The following MBNL2 variants were observed in gnomAD, a reference collection of about 807,000 sequenced individuals.
MBNL2 encodes the protein muscleblind like splicing regulator 2.
MBNL2 carries 17 observed loss-of-function variants against 41.9 expected under a neutral mutation model. The observed-to-expected ratio is 0.41, with a 90% CI of 0.28 to 0.61. The LOEUF is 0.61. Ranked by LOEUF, MBNL2 falls within the 20% of genes least tolerant of loss-of-function variation. The pLI, the probability that MBNL2 is intolerant of heterozygous loss-of-function variation, is 0.35. For synonymous variants in MBNL2, 195 were observed against 182.9 expected (o/e 1.07, Z -0.53); for missense variants, 336 against 505.6 (o/e 0.66, Z 3.22).
In MBNL2 at chr13:97,306,114, C is replaced by G. The variant is rs147950674; in HGVS notation, c.175-28162C>G. Among the ~76,000 whole-genome samples, 283 of 152,298 alleles carry G rather than the reference C, an allele frequency of 1.9e-3. 3 individuals carry two copies. Among genetic ancestry groups the G allele is most frequent in the African/African-American group, 6.4e-3 (264 of 41,568 alleles). On this transcript the variant is annotated intron_variant, in intron 2 of 8. Transcript: ENST00000679496. ...AAAGGTGGAGAAATGAAAACATTTT[C>G]TATGACATTAAAAATCACTTCCTCT...
chr13:97,214,379 A>G, the MBNL2 span, among the ~76,000 whole-genome samples: 1 of 152,184 alleles, frequency 6.6e-6, no homozygotes, highest in African/African-American at 2.4e-5. Flanking sequence ...CCTGTACCAT[A>G]TTTCAGTCCT....
intron 5 of MBNL2, among the ~76,000 whole-genome samples, chr13:97,351,566 C>T (rs1031319533): frequency 4.6e-5 from 7 of 152,210 alleles, no homozygotes; most frequent in Admixed American, 4.6e-4. Context: ...CTTGCTGCTG[C>T]TTCTCCATCA....
chr13:97,276,735 T>C (rs573690432), intron 2 of MBNL2, among the ~76,000 whole-genome samples: 32 of 152,242 alleles, frequency 2.1e-4, no homozygotes, highest in African/African-American at 6.7e-4. Flanking sequence ...GGAGGTTATA[T>C]AAAGGTGAAG....
At chr13:97,166,628 C>A in the MBNL2 span, among the ~76,000 whole-genome samples, 1 of 152,064 alleles carries the variant, frequency 6.6e-6, no homozygotes, top group African/African-American at 2.4e-5. Flanking sequence ...TCAGCCTACA[C>A]CTTTCTCCAG....
At chr13:97,329,373 T>C (rs1019903344) in intron 2 of MBNL2, among the ~76,000 whole-genome samples, 25 of 152,140 alleles carry the variant, frequency 1.6e-4, no homozygotes, top group Admixed American at 1.6e-3. Flanking sequence ...GATTTAAATG[T>C]AGCATAAAGC....
At position 97,369,622 on chromosome 13, in the gene MBNL2, T is replaced by C. The variant is rs74106944; in HGVS notation, c.1048+4451T>C. ...GGCATTTGTAATTAGATACAAGTCA[T>C]TGATTGAAGAAAGAGGATAGATGAA... On this transcript the variant is annotated intron_variant, in intron 8 of 8. Coordinates refer to ENST00000679496, the MANE Select transcript of MBNL2 (RefSeq NM_001382683.1). Among the ~76,000 whole-genome samples, 1,303 of 152,302 alleles carry C rather than the reference T, an allele frequency of 8.6e-3. 19 individuals carry two copies. Among genetic ancestry groups the C allele is most frequent in the African/African-American group, 0.031 (1,268 of 41,564 alleles).
intron 8 of MBNL2, among the ~76,000 whole-genome samples, chr13:97,373,118 C>T (rs995117675): frequency 3.9e-5 from 6 of 152,164 alleles, no homozygotes; most frequent in Non-Finnish European, 5.9e-5. Flanking sequence ...ACTCCTTTCT[C>T]GCAGTTTGCT....
intron 1 of MBNL2, among the ~76,000 whole-genome samples, chr13:97,261,698 G>C (rs1305978250): frequency 6.6e-6 from 1 of 152,182 alleles, no homozygotes; most frequent in African/African-American, 2.4e-5. Flanking sequence ...CTGGCTGGAA[G>C]GCCCCAGCAC....
the MBNL2 span, among the ~76,000 whole-genome samples, chr13:97,158,551 C>A: frequency 6.6e-6 from 1 of 151,328 alleles, no homozygotes; most frequent in Non-Finnish European, 1.5e-5. Context: ...AAATTTCCCT[C>A]TACACACTGC....
rs984477419 is a variant in MBNL2, at chr13:97,268,392, C to A, written c.-604-7240C>A. On this transcript the variant is annotated intron_variant, in intron 1 of 8. Coordinates refer to ENST00000679496, the MANE Select transcript of MBNL2 (RefSeq NM_001382683.1). The surrounding 1 kb of genome is among the most constrained non-coding windows in gnomAD (Gnocchi z 4.6). ...CTGGGATTACAGGTGTGAGCCACTG[C>A]GCCGGGCCGAGAGTGTGCATTCCTA... 2.0e-5 allele frequency among the ~76,000 whole-genome samples: 3 copies of A among 152,148 alleles called. No individual in the cohort carries two copies. The highest frequency in any genetic ancestry group is 4.4e-5 in the Non-Finnish European group (3 of 68,022).
intron 1 of MBNL2, among the ~76,000 whole-genome samples, chr13:97,263,055 G>C (rs1336803441): frequency 6.6e-6 from 1 of 151,942 alleles, no homozygotes; most frequent in East Asian, 1.9e-4. Context: ...CCAAAGTGCT[G>C]GGATTACAGG....
At chr13:97,358,408 T>G (rs1858563451) in intron 7 of MBNL2, among the ~76,000 whole-genome samples, 2 of 152,008 alleles carry the variant, frequency 1.3e-5, no homozygotes, top group Non-Finnish European at 2.9e-5. Context: ...TTACATCACA[T>G]TCTACCACCT....
rs200734331 is a variant in MBNL2 at position 97,306,819 on chromosome 13, G to A, written c.175-27457G>A. 9.2e-5 allele frequency among the ~76,000 whole-genome samples: 14 copies of A among 152,286 alleles called. No homozygotes were observed. In the East Asian group the frequency reaches 1.7e-3, roughly 19 times the overall value. On this transcript the variant is annotated intron_variant, in intron 2 of 8. Coordinates refer to ENST00000679496, the MANE Select transcript of MBNL2 (RefSeq NM_001382683.1). ...AGCCTTTGGACATTGGTCTCCTGGG[G>A]CTCAGTAGAGTCTGGTGTTGTTGCC...
the MBNL2 span, among the ~76,000 whole-genome samples, chr13:97,174,328 G>A: frequency 6.6e-6 from 1 of 152,128 alleles, no homozygotes; most frequent in Non-Finnish European, 1.5e-5. Context: ...CAGAAAAGTT[G>A]ACCCTTCTCT....
intron 1 of MBNL2, among the ~76,000 whole-genome samples, chr13:97,235,035 G>A (rs964262314): frequency 6.6e-6 from 1 of 152,174 alleles, no homozygotes; most frequent in Non-Finnish European, 1.5e-5. Context: ...TTCCGCCCAG[G>A]CCTTCTTAGG....
chr13:97,322,778 A>G (rs1423156815), intron 2 of MBNL2, among the ~76,000 whole-genome samples: 1 of 152,066 alleles, frequency 6.6e-6, no homozygotes, highest in Admixed American at 6.6e-5. Flanking sequence ...TCCCGGAAGC[A>G]TTCCCAACTC....
In MBNL2 at chr13:97,322,708, C is replaced by T. The variant is rs570372177; in HGVS notation, c.175-11568C>T. Among the ~76,000 whole-genome samples the T allele has an allele frequency of 2.0e-5, 3 of 152,266 alleles. No individual in the cohort carries two copies. The South Asian group carries it at 6.2e-4, about 32-fold the overall frequency. On this transcript the variant is annotated intron_variant, in intron 2 of 8. Coordinates refer to ENST00000679496, the MANE Select transcript of MBNL2 (RefSeq NM_001382683.1). ...GTTTCTTAACCTAGTCTTCCTTCCC[C>T]TCCAGCCCACCCCTTCCCTATTCCT...
intron 1 of MBNL2, among the ~76,000 whole-genome samples, chr13:97,226,021 G>GT (rs553659328): frequency 8.1e-4 from 121 of 149,576 alleles, no homozygotes; most frequent in Middle Eastern, 3.4e-3. Context: ...ACTCTTCTCA[G>GT]TTTTTTTTTT....
At chr13:97,333,364 C>T (rs969081213) in intron 2 of MBNL2, among the ~76,000 whole-genome samples, 1 of 152,042 alleles carries the variant, frequency 6.6e-6, no homozygotes, top group South Asian at 2.1e-4. Flanking sequence ...TTTTATGTAC[C>T]CTGTCACCTA....
Sources: gnomAD v4.1 joint callset for allele counts (sites outside exome capture counted in the v4.1 genomes callset) on GRCh38, gnomAD v4.1.1 for gene constraint, Gnocchi (gnomAD v3.1) non-coding constraint, MANE v1.5 for transcripts, NCBI Gene and HGNC (gene_info 2026-07-23, HGNC 2026-07-21) for gene names.